ARIH2: variants seen among roughly 807,000 people sequenced by gnomAD.
ARIH2 encodes the protein E3 ubiquitin-protein ligase ARIH2.
A neutral mutation model predicts 79.8 loss-of-function variants in ARIH2; 12 were observed. The ratio of observed to expected loss-of-function variants is 0.15; its 90% CI spans 0.10 to 0.24. The LOEUF (loss-of-function observed/expected upper bound fraction) is 0.24. Ranked by LOEUF, ARIH2 falls within the 10% of genes least tolerant of loss-of-function variation. The pLI, the probability that ARIH2 is intolerant of heterozygous loss-of-function variation, is 1.00. For synonymous variants in ARIH2, 224 were observed against 213.9 expected (o/e 1.05, Z -0.41); for missense variants, 301 against 618.3 (o/e 0.49, Z 5.44).
At chr3:48,948,033 T>G (rs1470124670) in intron 3 of ARIH2, among the ~76,000 whole-genome samples, 2 of 151,996 alleles carry the variant, frequency 1.3e-5, no homozygotes. Context: ...TGATCTCGGC[T>G]AACTGCAAGC....
intron 3 of ARIH2, among the ~76,000 whole-genome samples, chr3:48,958,889 C>T (rs950643386): frequency 1.3e-5 from 2 of 152,014 alleles, no homozygotes; most frequent in Non-Finnish European, 1.5e-5. Flanking sequence ...GTGTCTTGCA[C>T]CTGTAGTCCC....
rs1329690252 is a variant in ARIH2, at chr3:48,983,493, CT to C, written c.*227del. The C allele has an allele frequency of 1.8e-6, 1 of 564,486 alleles. No individual in the cohort carries two copies. Among genetic ancestry groups the C allele is most frequent in the African/African-American group, 1.9e-5 (1 of 52,828 alleles). 35.0% of individuals were successfully genotyped at this position (564,486 alleles called of 1,614,324 possible). On this transcript the variant is annotated 3_prime_UTR_variant, in exon 16 of 16. Coordinates refer to ENST00000356401, the MANE Select transcript of ARIH2 (RefSeq NM_006321.4). ...ATGTTGAACTGGCCTCTTTTCAGGA[CT>C]TTTATTTCCCCCTGGATGGTTGTTG...
At chr3:48,956,676 G>A (rs1405782446) in intron 3 of ARIH2, among the ~76,000 whole-genome samples, 2 of 418 alleles carry the variant, frequency 4.8e-3, no homozygotes, top group East Asian at 0.045. Context: ...TGACGTGTGT[G>A]TGTGTGTGTG....
rs1281864433 is a variant in ARIH2 at position 48,920,614 on chromosome 3, C to G, written c.-162+1616C>G. On this transcript the variant is annotated intron_variant, in intron 1 of 15. Coordinates refer to ENST00000356401, the MANE Select transcript of ARIH2 (RefSeq NM_006321.4). ...ATCAAGCAGTTCTGCCTTAGCCTCC[C>G]GAGTAGCTGGGATTACAGCTGGGAT... Among the ~76,000 whole-genome samples the G allele has an allele frequency of 2.9e-5, 2 of 69,954 alleles. 1 individual carries two copies. The highest frequency in any genetic ancestry group is 9.1e-5 in the African/African-American group (2 of 21,886). 45.9% of individuals were successfully genotyped at this position (69,954 alleles called of 152,430 possible).
chr3:48,934,887 T>C, intron 3 of ARIH2: 2 of 985,390 alleles, frequency 2.0e-6, no homozygotes, highest in East Asian at 1.1e-4. Flanking sequence ...CATTCTAGTC[T>C]TTTTGTTGTG....
intron 3 of ARIH2, among the ~76,000 whole-genome samples, chr3:48,932,910 G>A (rs1433254496): frequency 6.6e-6 from 1 of 152,114 alleles, no homozygotes; most frequent in Non-Finnish European, 1.5e-5. Flanking sequence ...GGTTATAGAA[G>A]TCCTGGCTCC....
chr3:48,929,981 A>T (rs552375564), intron 3 of ARIH2, among the ~76,000 whole-genome samples: 1 of 152,358 alleles, frequency 6.6e-6, no homozygotes, highest in East Asian at 1.9e-4. Context: ...TTGAAACAGT[A>T]TGAAAGGGTT....
intron 6 of ARIH2, 120 bp downstream of exon 6, chr3:48,967,395 C>A: frequency 8.9e-7 from 1 of 1,122,554 alleles, no homozygotes; most frequent in Non-Finnish European, 1.3e-6. Context: ...TTTTTATCAT[C>A]AGAACTAGTG....
chr3:48,970,560 G>A (rs1480865377), intron 7 of ARIH2, 35 bp from the exon 8 acceptor site: 1 of 1,419,946 alleles, frequency 7.0e-7, no homozygotes, highest in African/African-American at 1.4e-5. Flanking sequence ...GCAACTAAGA[G>A]ATGTCCTCAT....
At chr3:48,938,824 T>C in intron 3 of ARIH2, among the ~76,000 whole-genome samples, 1 of 150,098 alleles carries the variant, frequency 6.7e-6, no homozygotes, top group African/African-American at 2.5e-5. Context: ...CTGATGAATG[T>C]TGGAAGAGAT....
At chr3:48,921,911 C>T (rs1212510494) in intron 1 of ARIH2, among the ~76,000 whole-genome samples, 1 of 152,054 alleles carries the variant, frequency 6.6e-6, no homozygotes, top group African/African-American at 2.4e-5. Flanking sequence ...ACCACCACGA[C>T]ATTTATGAGT....
chr3:48,975,583 G>T (rs932142593), intron 11 of ARIH2, among the ~76,000 whole-genome samples: 3 of 151,120 alleles, frequency 2.0e-5, no homozygotes, highest in African/African-American at 7.3e-5. Context: ...TTTTTTTTGG[G>T]AGAAGGAGTC....
At chr3:48,945,039 G>A (rs967993395) in intron 3 of ARIH2, 12 of 1,020,434 alleles carry the variant, frequency 1.2e-5, no homozygotes, top group African/African-American at 1.2e-4. Flanking sequence ...GGCAGGCTGA[G>A]GCATGAAGAC....
intron 8 of ARIH2, among the ~76,000 whole-genome samples, chr3:48,972,837 C>T (rs2092311857): frequency 6.6e-6 from 1 of 152,170 alleles, no homozygotes; most frequent in Non-Finnish European, 1.5e-5. Flanking sequence ...GCCTTAGACT[C>T]TCTAGTAGCT....
chr3:48,928,656 G>A (rs2085958672), intron 3 of ARIH2, among the ~76,000 whole-genome samples: 1 of 151,908 alleles, frequency 6.6e-6, no homozygotes, highest in South Asian at 2.1e-4. Context: ...AAATTTTATT[G>A]GAACTTAAAC....
At chr3:48,943,023 C>T (rs1414039679) in intron 3 of ARIH2, among the ~76,000 whole-genome samples, 1 of 152,230 alleles carries the variant, frequency 6.6e-6, no homozygotes, top group African/African-American at 2.4e-5. Context: ...AGGAGATCCA[C>T]CTGCCTCGGC....
chr3:48,942,052 ATTT>A (rs35777653), intron 3 of ARIH2, among the ~76,000 whole-genome samples: 1 of 138,424 alleles, frequency 7.2e-6, no homozygotes, highest in African/African-American at 2.7e-5. Context: ...TACCTGGCTA[ATTT>A]TTTTTTTTTT....
intron 7 of ARIH2, among the ~76,000 whole-genome samples, chr3:48,969,141 G>A (rs2092006056): frequency 6.6e-6 from 1 of 151,624 alleles, no homozygotes; most frequent in African/African-American, 2.4e-5. Flanking sequence ...CCAAAGTGCT[G>A]GGATTACAGG....
intron 2 of ARIH2, among the ~76,000 whole-genome samples, chr3:48,923,719 C>A (rs1244893297): frequency 1.3e-5 from 2 of 152,012 alleles, no homozygotes; most frequent in Admixed American, 6.6e-5. Context: ...CGGGGTTTCT[C>A]CATGTTGGTC....
Sources: gnomAD v4.1 joint callset for allele counts (sites outside exome capture counted in the v4.1 genomes callset) on GRCh38, gnomAD v4.1.1 for gene constraint, MANE v1.5 for transcripts, NCBI Gene and HGNC (gene_info 2026-07-23, HGNC 2026-07-21) for gene names.